NDST4: variants seen among roughly 807,000 people sequenced by gnomAD.
NDST4 encodes the protein N-deacetylase and N-sulfotransferase 4.
Under a neutral mutation model 100.8 loss-of-function variants are expected in NDST4, and 63 were observed. The observed-to-expected ratio is 0.62, with a 90% confidence interval of 0.51 to 0.77. NDST4 has a LOEUF of 0.77. Among genes scored for constraint, NDST4 ranks in the 30% least tolerant of loss-of-function variants. The pLI, the probability that NDST4 is intolerant of heterozygous loss-of-function variation, is 0.00. For missense variants in NDST4, 943 were observed against 1,018.4 expected (o/e 0.93, Z 1.01); for synonymous variants, 377 against 361.8 (o/e 1.04, Z -0.48).
intron 2 of NDST4, among the ~76,000 whole-genome samples, chr4:115,054,665 C>T (rs1728655881): frequency 6.6e-6 from 1 of 152,164 alleles, no homozygotes. Flanking sequence ...GGGGTGTATG[C>T]AGCTTCCTTT....
At chr4:114,891,547 T>C (rs1027670958) in intron 6 of NDST4, among the ~76,000 whole-genome samples, 1 of 152,098 alleles carries the variant, frequency 6.6e-6, no homozygotes, top group African/African-American at 2.4e-5. Flanking sequence ...ACCCTACCAT[T>C]TTTCTTGCCG....
chr4:115,061,436 T>C (rs891208127), intron 2 of NDST4, among the ~76,000 whole-genome samples: 2 of 152,040 alleles, frequency 1.3e-5, no homozygotes, highest in African/African-American at 2.4e-5. Context: ...TGGAATACTA[T>C]GCAGCCATAA....
intron 1 of NDST4, among the ~76,000 whole-genome samples, chr4:115,088,817 A>T (rs1729457917): frequency 6.6e-6 from 1 of 151,998 alleles, no homozygotes; most frequent in Non-Finnish European, 1.5e-5. Context: ...AAGTCTAATC[A>T]GTTCTTATTC....
chr4:115,085,258 A>T (rs779155092), intron 1 of NDST4, among the ~76,000 whole-genome samples: 3 of 152,276 alleles, frequency 2.0e-5, no homozygotes, highest in Admixed American at 6.5e-5. Context: ...CTGTACCCCC[A>T]TTGTATCTAG....
chr4:114,914,382 A>C (rs1725125448), intron 6 of NDST4, among the ~76,000 whole-genome samples: 1 of 152,252 alleles, frequency 6.6e-6, no homozygotes, highest in Non-Finnish European at 1.5e-5. Context: ...ATTTTACATG[A>C]TGTGATTTTT....
At chr4:115,085,669 A>G (rs1729395708) in intron 1 of NDST4, among the ~76,000 whole-genome samples, 1 of 152,118 alleles carries the variant, frequency 6.6e-6, no homozygotes, top group African/African-American at 2.4e-5. Context: ...GCCACCCTGT[A>G]ATGAGATGCC....
chr4:115,014,881 T>A (rs1727641767), intron 2 of NDST4, among the ~76,000 whole-genome samples: 1 of 152,116 alleles, frequency 6.6e-6, no homozygotes, highest in Non-Finnish European at 1.5e-5. Flanking sequence ...GAGCATTGGC[T>A]TGTTGATCAT....
intron 6 of NDST4, among the ~76,000 whole-genome samples, chr4:114,893,194 G>T (rs11939941): frequency 0.22 from 33,969 of 152,030 alleles, 5,373 homozygotes; most frequent in African/African-American, 0.45. Flanking sequence ...AAATAGTGCT[G>T]CAATAAACAT....
intron 6 of NDST4, among the ~76,000 whole-genome samples, chr4:114,900,690 C>T (rs898928805): frequency 2.0e-5 from 3 of 152,062 alleles, no homozygotes; most frequent in African/African-American, 4.8e-5. Flanking sequence ...TGTGAAGATA[C>T]ATTCTATAAC....
At chr4:115,108,699 T>G (rs892323681) in intron 1 of NDST4, among the ~76,000 whole-genome samples, 6 of 151,930 alleles carry the variant, frequency 3.9e-5, no homozygotes, top group African/African-American at 1.4e-4. Flanking sequence ...AATTTATAGG[T>G]GGAAGAACAG....
At chr4:114,906,376 A>ATTTT (rs150991030) in intron 6 of NDST4, among the ~76,000 whole-genome samples, 10 of 150,708 alleles carry the variant, frequency 6.6e-5, no homozygotes, top group African/African-American at 2.4e-4. Context: ...CTCTAGCGGC[A>ATTTT]TTTTTTTTTG....
chr4:114,966,420 C>T (rs1253562207), intron 4 of NDST4, among the ~76,000 whole-genome samples: 1 of 152,048 alleles, frequency 6.6e-6, no homozygotes, highest in Non-Finnish European at 1.5e-5. Context: ...AGAAAACAAA[C>T]TCCATCCGGA....
chr4:114,929,113 C>CCATCTATCTATCT (rs1560817117), intron 6 of NDST4, among the ~76,000 whole-genome samples: 65 of 117,484 alleles, frequency 5.5e-4, no homozygotes, highest in South Asian at 1.2e-3. Context: ...TCCATCCATC[C>CCATCTATCTATCT]ATCTATCTAT....
At chr4:114,832,989 C>T (rs1723234212) in intron 12 of NDST4, among the ~76,000 whole-genome samples, 1 of 152,112 alleles carries the variant, frequency 6.6e-6, no homozygotes, top group Non-Finnish European at 1.5e-5. Flanking sequence ...TCAAGTCTTC[C>T]AGGCTGTGGC....
chr4:114,995,990 C>A (rs1337858596), intron 2 of NDST4, among the ~76,000 whole-genome samples: 1 of 151,956 alleles, frequency 6.6e-6, no homozygotes, highest in African/African-American at 2.4e-5. Flanking sequence ...CATGAAGAAA[C>A]AAAAAACTAG....
intron 2 of NDST4, among the ~76,000 whole-genome samples, chr4:115,043,691 G>A (rs1728401714): frequency 6.6e-6 from 1 of 152,098 alleles, no homozygotes. Flanking sequence ...CTGGATGTCA[G>A]TGTCTCATCT....
At chr4:114,840,207 G>A (rs541601589) in intron 10 of NDST4, among the ~76,000 whole-genome samples, 12 of 152,164 alleles carry the variant, frequency 7.9e-5, no homozygotes, top group African/African-American at 1.2e-4. Flanking sequence ...GCTAATTCAC[G>A]AATACTGCTT....
intron 4 of NDST4, among the ~76,000 whole-genome samples, chr4:114,952,320 G>A (rs576076750): frequency 1.2e-4 from 19 of 152,212 alleles, no homozygotes; most frequent in African/African-American, 3.9e-4. Context: ...GAGGTTAAAT[G>A]TGTTCAGAAA....
intron 6 of NDST4, among the ~76,000 whole-genome samples, chr4:114,929,759 C>G (rs1278346851): frequency 1.3e-5 from 2 of 152,092 alleles, no homozygotes; most frequent in Non-Finnish European, 2.9e-5. Context: ...TATTTAAAAT[C>G]CTGAGATTTA....
Sources: allele counts gnomAD v4.1 joint callset (sites outside exome capture counted in the v4.1 genomes callset), GRCh38; gene constraint gnomAD v4.1.1; transcripts MANE v1.5; gene names NCBI Gene and HGNC (gene_info 2026-07-23, HGNC 2026-07-21).